PAK5: variants seen among roughly 807,000 people sequenced by gnomAD.
The protein encoded by PAK5 is p21 (RAC1) activated kinase 5.
A neutral mutation model predicts 65.9 loss-of-function variants in PAK5; 16 were observed. The observed-to-expected ratio is 0.24, with a 90% confidence interval of 0.16 to 0.37. The LOEUF is 0.37. Ranked by LOEUF, PAK5 falls within the 10% of genes least tolerant of loss-of-function variation. PAK5 has a pLI of 1.00. For synonymous variants in PAK5, 371 were observed against 354.9 expected (o/e 1.05, Z -0.51); for missense variants, 785 against 903.9 (o/e 0.87, Z 1.69).
intron 1 of PAK5, among the ~76,000 whole-genome samples, chr20:9,729,031 A>AT (rs1022611834): frequency 3.3e-5 from 5 of 152,152 alleles, no homozygotes; most frequent in South Asian, 2.1e-4. Flanking sequence ...TATTTATACC[A>AT]TTTTTTTGCA....
chr20:9,642,638 T>A (rs1032195061), intron 3 of PAK5, among the ~76,000 whole-genome samples: 1 of 152,228 alleles, frequency 6.6e-6, no homozygotes. Context: ...ATATGATCAT[T>A]AGTGAAGTGC....
At chr20:9,710,674 A>C (rs2048067490) in intron 2 of PAK5, among the ~76,000 whole-genome samples, 1 of 151,592 alleles carries the variant, frequency 6.6e-6, no homozygotes, top group African/African-American at 2.4e-5. Flanking sequence ...ATAATAAAGA[A>C]GAATGGCCTT....
intron 1 of PAK5, among the ~76,000 whole-genome samples, chr20:9,719,309 A>C (rs767111259): frequency 6.6e-6 from 1 of 152,212 alleles, no homozygotes; most frequent in Non-Finnish European, 1.5e-5. Context: ...CAGAGCATAC[A>C]GAACAATATT....
At chr20:9,615,658 T>C (rs1191201826) in intron 3 of PAK5, among the ~76,000 whole-genome samples, 1 of 152,214 alleles carries the variant, frequency 6.6e-6, no homozygotes, top group Non-Finnish European at 1.5e-5. Context: ...TGCTGCTGCA[T>C]AATAAATCAC....
chr20:9,707,976 T>C (rs116990117), intron 2 of PAK5, among the ~76,000 whole-genome samples: 2,457 of 152,316 alleles, frequency 0.016, 31 homozygotes, highest in Non-Finnish European at 0.023. Context: ...GGCTATTTGT[T>C]ATACAGCAAC....
intron 3 of PAK5, among the ~76,000 whole-genome samples, chr20:9,602,268 C>A (rs1371088095): frequency 6.6e-6 from 1 of 150,800 alleles, no homozygotes; most frequent in African/African-American, 2.4e-5. Flanking sequence ...TCCAGCCTGG[C>A]AACAAAGCAA....
intron 1 of PAK5, among the ~76,000 whole-genome samples, chr20:9,751,637 T>C (rs558463960): frequency 6.6e-6 from 1 of 152,288 alleles, no homozygotes; most frequent in South Asian, 2.1e-4. Flanking sequence ...AAGTAAGCAA[T>C]GGACTAATAC....
intron 3 of PAK5, among the ~76,000 whole-genome samples, chr20:9,584,923 C>T (rs1203756171): frequency 6.6e-6 from 1 of 152,092 alleles, no homozygotes; most frequent in African/African-American, 2.4e-5. Flanking sequence ...TGTTTAATCC[C>T]AGGCATTTGT....
intron 1 of PAK5, among the ~76,000 whole-genome samples, chr20:9,729,926 T>C (rs1440913837): frequency 1.3e-5 from 2 of 149,644 alleles, no homozygotes; most frequent in East Asian, 3.9e-4. Context: ...GTGGGAGGAT[T>C]GCTTGAACCT....
intron 3 of PAK5, among the ~76,000 whole-genome samples, chr20:9,602,949 G>A (rs1329935612): frequency 2.0e-5 from 3 of 152,234 alleles, no homozygotes; most frequent in Admixed American, 2.0e-4. Flanking sequence ...ACGAATTTCA[G>A]TTCTAATTCC....
chr20:9,800,795 T>A (rs1176544703), intron 1 of PAK5, among the ~76,000 whole-genome samples: 2 of 151,650 alleles, frequency 1.3e-5, no homozygotes, highest in African/African-American at 4.8e-5. Flanking sequence ...ATCACAAACA[T>A]GACTAACTGG....
At chr20:9,729,462 C>A (rs1010152705) in intron 1 of PAK5, among the ~76,000 whole-genome samples, 4 of 151,818 alleles carry the variant, frequency 2.6e-5, no homozygotes, top group Non-Finnish European at 5.9e-5. Context: ...GCATCAGAAT[C>A]CTGATTTTAT....
intron 2 of PAK5, among the ~76,000 whole-genome samples, chr20:9,666,001 A>T (rs2047412019): frequency 1.3e-5 from 2 of 152,142 alleles, no homozygotes; most frequent in Admixed American, 6.6e-5. Flanking sequence ...TCCGTCTTTA[A>T]TGTATAGGAT....
intron 6 of PAK5, among the ~76,000 whole-genome samples, chr20:9,558,137 G>A (rs2045539686): frequency 6.6e-6 from 1 of 150,850 alleles, no homozygotes; most frequent in African/African-American, 2.4e-5. Flanking sequence ...TTGAGATGGT[G>A]TCTTGCTCTG....
chr20:9,554,710 T>C (rs949725057), intron 7 of PAK5, among the ~76,000 whole-genome samples: 6 of 152,228 alleles, frequency 3.9e-5, no homozygotes, highest in Admixed American at 6.5e-5. Flanking sequence ...ACTCCATTTC[T>C]GCTCTCTTTT....
intron 1 of PAK5, among the ~76,000 whole-genome samples, chr20:9,720,610 C>G (rs949351838): frequency 6.6e-6 from 1 of 151,668 alleles, no homozygotes; most frequent in African/African-American, 2.4e-5. Context: ...AGGTATATAC[C>G]CCAAAAAACT....
At chr20:9,798,079 A>C (rs1195271713) in intron 1 of PAK5, among the ~76,000 whole-genome samples, 1 of 152,120 alleles carries the variant, frequency 6.6e-6, no homozygotes, top group Admixed American at 6.6e-5. Flanking sequence ...TGTTAGACTG[A>C]GGGGTTGGGA....
chr20:9,802,206 T>C (rs577981935), intron 1 of PAK5, among the ~76,000 whole-genome samples: 277 of 152,254 alleles, frequency 1.8e-3, no homozygotes, highest in African/African-American at 6.2e-3. Flanking sequence ...AGTCCCATGC[T>C]TTGGCTAGAA....
intron 2 of PAK5, among the ~76,000 whole-genome samples, chr20:9,679,463 T>C (rs956782444): frequency 6.6e-6 from 1 of 152,218 alleles, no homozygotes; most frequent in Non-Finnish European, 1.5e-5. Context: ...GAACATTTTA[T>C]GTCTGTGCAT....
Sources: allele counts gnomAD v4.1 joint callset (sites outside exome capture counted in the v4.1 genomes callset), GRCh38; gene constraint gnomAD v4.1.1; transcripts MANE v1.5; gene names NCBI Gene and HGNC (gene_info 2026-07-23, HGNC 2026-07-21).